The following USP2 variants were observed in gnomAD, a reference collection of about 807,000 sequenced individuals.
The protein encoded by USP2 is ubiquitin carboxyl-terminal hydrolase 2.
In USP2, 33 loss-of-function variants were observed where a neutral mutation model predicts 72.0. The ratio of observed to expected loss-of-function variants is 0.46; its 90% CI spans 0.35 to 0.61. The LOEUF is 0.61. Ranked by LOEUF, USP2 falls within the 20% of genes least tolerant of loss-of-function variation. The pLI is 0.01. For synonymous variants in USP2, 296 were observed against 312.5 expected, an observed-to-expected ratio of 0.95 and a Z score of 0.56; for missense variants, 691 against 797.8, an observed-to-expected ratio of 0.87 and a Z score of 1.61.
chr11:119,364,164 GCGCCGCCAACAGCCCGGGTCCCGGCTCT>G, intron 2 of USP2: 1 of 1,203,514 alleles, frequency 8.3e-7, no homozygotes, highest in Non-Finnish European at 1.0e-6. Context: ...TCCCCGGCGT[GCGCCGCCAACAGCCCGGGTCCCGGCTCT>G]CGCGCTCCGG....
rs1229996209 is a variant in USP2, at chr11:119,372,975, C to A, written c.506G>T (p.Ser169Ile). 1 of 1,613,850 alleles carries A rather than the reference C, an allele frequency of 6.2e-7. No homozygotes were observed. The highest frequency in any genetic ancestry group is 8.5e-7 in the Non-Finnish European group (1 of 1,180,020). Residue 169 changes from serine (S) to isoleucine (I), a missense_variant, in exon 2 of 13, where the codon AGC (serine) becomes ATC (isoleucine). Physicochemically the swap from Ser to Ile is moderately radical, Grantham distance 142. Transcript: ENST00000260187. ...CTTGCGCGTCCGGGCCAGCATGGGG[C>A]TGCGGCCCAGGTTCCTGGGGTCTAT... The part of the protein sequence containing the change: ...YRIDPRNLGR[S>I]PMLARTRKEL...
Position 119,357,582 on chromosome 11 carries a change from G to C in USP2, c.1510C>G (p.Arg504Gly). ...FPKILVLHLK[R>G]FSESRIRTSK... ...GTTCGGATCCTGGATTCTGAGAACC[G>C]CTTCAGATCTGGCATTGACGTGAGT... The change falls in exon 11 of 13, where the codon CGG becomes GGG. Residue 504 changes from arginine to glycine, a missense_variant. Physicochemically the swap from Arg to Gly is moderately radical, Grantham distance 125. Transcript: ENST00000260187. The C allele has an allele frequency of 1.2e-6, 2 of 1,614,140 alleles. No individual in the cohort carries two copies. The highest frequency in any genetic ancestry group is 8.5e-7 in the Non-Finnish European group (1 of 1,180,032).
At chr11:119,377,502 C>G (rs147552694) in intron 1 of USP2, among the ~76,000 whole-genome samples, 5 of 152,272 alleles carry the variant, frequency 3.3e-5, no homozygotes, top group Admixed American at 2.6e-4. Context: ...AGGTGCAACT[C>G]GAGCCCCAGA....
intron 7 of USP2, 97 bp from the exon 8 acceptor site, chr11:119,358,349 C>G (rs897611764): frequency 7.8e-6 from 9 of 1,158,928 alleles, no homozygotes; most frequent in Admixed American, 4.1e-5. Context: ...TGGAGTTTTG[C>G]TCTGTCCCCC....
chr11:119,374,796 A>C (rs1299247032), intron 1 of USP2, among the ~76,000 whole-genome samples: 1 of 152,162 alleles, frequency 6.6e-6, no homozygotes, highest in Non-Finnish European at 1.5e-5. Flanking sequence ...CAGGACTCTC[A>C]GAGTTGTGGG....
In USP2 at chr11:119,359,512, G is replaced by C. The variant is rs781320576; in HGVS notation, c.949+25C>G. 6 of 1,612,954 alleles carry C rather than the reference G, an allele frequency of 3.7e-6. No individual in the cohort carries two copies. In the South Asian group the frequency reaches 6.6e-5, roughly 18 times the overall value. On this transcript the variant is annotated intron_variant, in intron 4 of 12. Coordinates refer to ENST00000260187, the MANE Select transcript of USP2 (RefSeq NM_004205.5). The stretch of plus-strand genomic sequence containing the variant: ...TGGAGGAGCATCCGGGGGTAGGCAG[G>C]GGCACATGACAGAGGGCCTCTCACC...
rs1677059332 is a variant in USP2 at position 119,355,278 on chromosome 11, T to A, written c.*1557A>T. ...CACTGTACATTAGACATTCTTCTAC[T>A]CTTGCTTACACAGTAAACAAGTGTA... is the stretch of plus-strand genomic sequence containing the variant. On this transcript the variant is annotated 3_prime_UTR_variant, in exon 13 of 13. Transcript: ENST00000260187. The A allele has an allele frequency of 6.6e-6, 1 of 152,276 alleles. No individual in the cohort carries two copies. The highest frequency in any genetic ancestry group is 2.1e-4 in the South Asian group (1 of 4,832). 9.4% of individuals were successfully genotyped at this position (152,276 alleles called of 1,614,324 possible).
At chr11:119,359,495 C>T in intron 4 of USP2, 42 bp downstream of exon 4, 1 of 1,611,138 alleles carries the variant, frequency 6.2e-7, no homozygotes, top group Non-Finnish European at 8.5e-7. Flanking sequence ...AGTGGAGGAG[C>T]ATCCGGGGGT....
intron 1 of USP2, among the ~76,000 whole-genome samples, chr11:119,375,603 A>G (rs1950990507): frequency 6.6e-6 from 1 of 152,184 alleles, no homozygotes. Flanking sequence ...GTCCTGCCCT[A>G]TTTTGCTTTG....
intron 1 of USP2, among the ~76,000 whole-genome samples, chr11:119,374,317 C>T (rs1015166417): frequency 7.2e-5 from 11 of 152,146 alleles, no homozygotes; most frequent in Admixed American, 2.0e-4. Flanking sequence ...TTGGTCCTGG[C>T]GATGCTTGTG....
rs1214921150 is a variant in USP2, at chr11:119,356,082, A to G, written c.*753T>C. 6.7e-6 allele frequency: 1 copy of G among 150,154 alleles called. No individual in the cohort carries two copies. Among genetic ancestry groups the G allele is most frequent in the African/African-American group, 2.4e-5 (1 of 40,888 alleles). 9.3% of individuals were successfully genotyped at this position (150,154 alleles called of 1,614,324 possible). A position where few individuals can be genotyped will look rare whatever the true frequency, so the allele number is the denominator to read the frequency against. On this transcript the variant is annotated 3_prime_UTR_variant, in exon 13 of 13. Transcript: ENST00000260187. ...AAAAAAAAACCCAAACCCCCAAAAC[A>G]GAAACTTGTTTTAGATCCCAGGTCT...
intron 1 of USP2, among the ~76,000 whole-genome samples, chr11:119,374,105 C>T (rs1397657716): frequency 5.3e-5 from 8 of 152,098 alleles, no homozygotes; most frequent in Non-Finnish European, 2.9e-5. Flanking sequence ...CAGGGGAGGC[C>T]GTGAGTGAGC....
intron 4 of USP2, 44 bp from the exon 5 acceptor site, chr11:119,359,386 A>C: frequency 6.3e-7 from 1 of 1,590,566 alleles, no homozygotes; most frequent in South Asian, 1.1e-5. Context: ...GATATTTTCT[A>C]TAAGAAACTC....
chr11:119,371,059 G>C (rs1591330275), intron 2 of USP2, among the ~76,000 whole-genome samples: 1 of 152,150 alleles, frequency 6.6e-6, no homozygotes, highest in Non-Finnish European at 1.5e-5. Flanking sequence ...AGCATGCCTA[G>C]AGATCACCCA....
chr11:119,369,875 A>C (rs1482114683), intron 2 of USP2, among the ~76,000 whole-genome samples: 1 of 151,930 alleles, frequency 6.6e-6, no homozygotes, highest in Non-Finnish European at 1.5e-5. Context: ...CTCCCATTGT[A>C]CCTATTTAAG....
At chr11:119,380,951 G>A (rs564240736) in intron 1 of USP2, 2 of 157,240 alleles carry the variant, frequency 1.3e-5, no homozygotes, top group Middle Eastern at 5.2e-4. Context: ...TCCCTTGACT[G>A]TTGAGAAGTT....
At position 119,364,527 on chromosome 11, in the gene USP2, C is replaced by T. The variant is rs1487078078; in HGVS notation, c.775-4293G>A. On this transcript the variant is annotated intron_variant, in intron 2 of 12. Coordinates refer to ENST00000260187, the MANE Select transcript of USP2 (RefSeq NM_004205.5). ...ACGTCTCCCCAAGACCCAGTGGCAACCGGGTGAGCTTCCCCCAAGGCACCA... is the reference window on the plus strand; with the variant it reads ...ACGTCTCCCCAAGACCCAGTGGCAATCGGGTGAGCTTCCCCCAAGGCACCA... Among the ~76,000 whole-genome samples, 5 of 152,362 alleles carry T rather than the reference C, an allele frequency of 3.3e-5. No homozygotes were observed. In the South Asian group the frequency reaches 1.0e-3, roughly 32 times the overall value.
rs1407641852 is a variant in USP2 at position 119,357,495 on chromosome 11, A to G, written c.1597T>C (p.Ser533Pro). Residue 533 changes from serine to proline, a missense_variant, in exon 11 of 13, where the codon TCA becomes CCA. Transcript: ENST00000260187. ...CAAAGATACTCACTGGTGTTTTCTG[A>G]GGCAAATTCTCTTAAGTCCAGGTCT... is the stretch of plus-strand genomic sequence containing the variant. ...LRDLDLREFASENTNHAVYNL... is the reference protein window; with the variant it reads ...LRDLDLREFAPENTNHAVYNL... 6.2e-7 allele frequency: 1 copy of G among 1,613,966 alleles called. No individual in the cohort carries two copies. The highest frequency in any genetic ancestry group is 8.5e-7 in the Non-Finnish European group (1 of 1,180,024).
chr11:119,361,988 C>A (rs78630472), intron 2 of USP2, among the ~76,000 whole-genome samples: 1 of 152,186 alleles, frequency 6.6e-6, no homozygotes, highest in Non-Finnish European at 1.5e-5. Flanking sequence ...CTCCATGTTG[C>A]GCACTCGGAA....
Sources: gnomAD v4.1 joint callset for allele counts (sites outside exome capture counted in the v4.1 genomes callset) on GRCh38, gnomAD v4.1.1 for gene constraint, MANE v1.5 for transcripts, NCBI Gene and HGNC (gene_info 2026-07-23, HGNC 2026-07-21) for gene names.